The following HUNK variants were observed in gnomAD, a reference collection of about 807,000 sequenced individuals.
The protein encoded by HUNK is hormonally up-regulated Neu-associated kinase.
HUNK carries 21 observed loss-of-function variants against 61.0 expected under a neutral mutation model. The observed-to-expected ratio is 0.34, with a 90% CI of 0.24 to 0.50. The LOEUF (loss-of-function observed/expected upper bound fraction) is 0.50. Ranked by LOEUF, HUNK falls within the 20% of genes least tolerant of loss-of-function variation. The probability of loss-of-function intolerance (pLI) is 0.98; values close to 1 mark genes in which losing one functional copy is unlikely to be tolerated. For missense variants in HUNK, 772 were observed against 945.7 expected, an observed-to-expected ratio of 0.82 and a Z score of 2.41; for synonymous variants, 371 against 386.1, an observed-to-expected ratio of 0.96 and a Z score of 0.46.
intron 2 of HUNK, among the ~76,000 whole-genome samples, chr21:31,927,752 G>A (rs1601382690): frequency 1.3e-5 from 2 of 152,108 alleles, no homozygotes; most frequent in South Asian, 2.1e-4. Flanking sequence ...CCTTACTAAC[G>A]GGATTGGTGC....
At chr21:31,876,128 A>C (rs1227499684) in intron 1 of HUNK, among the ~76,000 whole-genome samples, 1 of 152,088 alleles carries the variant, frequency 6.6e-6, no homozygotes, top group African/African-American at 2.4e-5. Flanking sequence ...GATGAATCTC[A>C]CTTCATTGTT....
At chr21:31,945,307 C>A (rs2052794457) in intron 3 of HUNK, among the ~76,000 whole-genome samples, 1 of 152,154 alleles carries the variant, frequency 6.6e-6, no homozygotes. Flanking sequence ...GACCCAAAGT[C>A]ACTCGATGCA....
intron 5 of HUNK, among the ~76,000 whole-genome samples, chr21:31,965,695 G>A (rs929982044): frequency 1.1e-4 from 16 of 149,374 alleles, no homozygotes; most frequent in African/African-American, 4.0e-4. Context: ...TCTGCCTCCT[G>A]AGTTCAAGCA....
At chr21:31,938,606 G>A (rs1200532187) in intron 2 of HUNK, among the ~76,000 whole-genome samples, 1 of 152,132 alleles carries the variant, frequency 6.6e-6, no homozygotes, top group Admixed American at 6.5e-5. Flanking sequence ...ACATGATTAC[G>A]CCATTCAGTT....
At chr21:31,948,486 C>G (rs762820949) in intron 4 of HUNK, among the ~76,000 whole-genome samples, 1 of 152,152 alleles carries the variant, frequency 6.6e-6, no homozygotes, top group Non-Finnish European at 1.5e-5. Context: ...TGGGCCTCAC[C>G]GTGAGGTCTC....
At chr21:31,905,398 A>G (rs1349420820) in intron 1 of HUNK, among the ~76,000 whole-genome samples, 2 of 152,220 alleles carry the variant, frequency 1.3e-5, no homozygotes, top group Non-Finnish European at 2.9e-5. Context: ...TTGTTGTGAC[A>G]GCCCTAGCAA....
At chr21:31,979,099 T>C (rs2053072264) in intron 7 of HUNK, among the ~76,000 whole-genome samples, 2 of 133,820 alleles carry the variant, frequency 1.5e-5, no homozygotes, top group South Asian at 5.0e-4. Flanking sequence ...GCATACCTAT[T>C]GGCCATTTCT....
At chr21:31,915,726 A>G (rs141911193) in intron 1 of HUNK, among the ~76,000 whole-genome samples, 1 of 152,166 alleles carries the variant, frequency 6.6e-6, no homozygotes, top group African/African-American at 2.4e-5. Flanking sequence ...GTTAACTCTG[A>G]TCCTATGTAG....
At position 31,983,590 on chromosome 21, in the gene HUNK, C is replaced by T. The variant is rs1185929904; in HGVS notation, c.1238C>T (p.Ala413Val). The T allele has an allele frequency of 8.7e-6, 14 of 1,613,122 alleles. No individual in the cohort carries two copies. Among genetic ancestry groups the T allele is most frequent in the South Asian group, 1.1e-5 (1 of 91,032 alleles). ...TRLYQIEKYR[A>V]PKESYEASLD... ...CTCTACCAGATAGAAAAGTACAGGG[C>T]CCCCAAGGAGTCCTATGAGGTGAGT... Residue 413 changes from alanine to valine, a missense_variant, in exon 8 of 11, where the codon GCC (alanine) becomes GTC (valine). Physicochemically the swap from Ala to Val is moderately conservative, Grantham distance 64. This residue lies in a region of HUNK where 413 missense variants were observed against 444.4 expected (regional missense o/e 0.93). Transcript: ENST00000270112.
At chr21:31,990,229 C>T in intron 9 of HUNK, 53 bp downstream of exon 9, 2 of 1,440,766 alleles carry the variant, frequency 1.4e-6, no homozygotes, top group Non-Finnish European at 9.8e-7. Flanking sequence ...AGAAACAGAA[C>T]CAATAGAGTA....
intron 5 of HUNK, among the ~76,000 whole-genome samples, chr21:31,966,510 C>T (rs1447737252): frequency 2.0e-5 from 3 of 152,290 alleles, no homozygotes; most frequent in South Asian, 2.1e-4. Context: ...TGGGAACCCA[C>T]CCTGGTGGTG....
chr21:31,940,224 T>C lies in HUNK; in HGVS notation c.610+4T>C. 2 of 1,564,406 alleles carry C rather than the reference T, an allele frequency of 1.3e-6. No individual in the cohort carries two copies. Among genetic ancestry groups the C allele is most frequent in the South Asian group, 1.2e-5 (1 of 83,780 alleles). ...GACAATAATATCAAGCTGATTGGTA[T>C]GACTTTTTTTTTTTTTTAAGCAAAA... is the stretch of plus-strand genomic sequence containing the variant. On this transcript the variant is annotated splice_donor_region_variant and intron_variant, in intron 3 of 10. Transcript: ENST00000270112.
In HUNK at chr21:31,924,689, C is replaced by T. The variant is rs746851498; in HGVS notation, c.483C>T (p.Ser161=). The change falls in exon 2 of 11, where the codon TCC becomes TCT. Residue 161 remains serine, a synonymous_variant. Coordinates refer to ENST00000270112, the MANE Select transcript of HUNK (RefSeq NM_014586.2). The surrounding 1 kb of genome is among the most constrained non-coding windows in gnomAD (Gnocchi z 5.1). ...KIYEKKRLEE[S]EARRYIRQLI... ...ATGAGAAGAAGCGGCTGGAGGAGTCCGAAGCCCGCAGATACATCCGACAGC... is the reference window on the plus strand; with the variant it reads ...ATGAGAAGAAGCGGCTGGAGGAGTCTGAAGCCCGCAGATACATCCGACAGC... 11 of 1,613,876 alleles carry T rather than the reference C, an allele frequency of 6.8e-6. No individual in the cohort carries two copies. The highest frequency in any genetic ancestry group is 4.5e-5 in the East Asian group (2 of 44,880).
chr21:31,952,733 C>G (rs1013475392), intron 4 of HUNK, among the ~76,000 whole-genome samples: 5 of 114,922 alleles, frequency 4.4e-5, no homozygotes, highest in East Asian at 6.3e-4. Flanking sequence ...CCCCACCCCC[C>G]ACCCAGTGTC....
At chr21:31,947,247 G>A (rs1467185760) in intron 4 of HUNK, among the ~76,000 whole-genome samples, 2 of 117,770 alleles carry the variant, frequency 1.7e-5, no homozygotes, top group Admixed American at 8.6e-5. Context: ...CCACATCCCA[G>A]TCTCAAGCCA....
intron 1 of HUNK, among the ~76,000 whole-genome samples, chr21:31,897,702 C>T (rs968772516): frequency 5.9e-5 from 9 of 152,126 alleles, no homozygotes; most frequent in African/African-American, 1.2e-4. Context: ...TCTCATTAGC[C>T]GCAAAAAGGT....
intron 2 of HUNK, among the ~76,000 whole-genome samples, chr21:31,930,058 A>G (rs937476191): frequency 6.6e-6 from 1 of 152,224 alleles, no homozygotes; most frequent in Non-Finnish European, 1.5e-5. Flanking sequence ...AAAAAATAGC[A>G]TTGGAAATGT....
chr21:31,909,371 TC>T (rs1056215534), intron 1 of HUNK, among the ~76,000 whole-genome samples: 3 of 152,036 alleles, frequency 2.0e-5, no homozygotes, highest in Admixed American at 6.6e-5. Context: ...GCGCAGAGGA[TC>T]CCCGGGAAAG....
chr21:31,968,271 C>G lies in HUNK; in HGVS notation c.896C>G (p.Ser299Cys). The G allele has an allele frequency of 5.6e-6, 9 of 1,614,224 alleles. No individual in the cohort carries two copies. The highest frequency in any genetic ancestry group is 7.6e-6 in the Non-Finnish European group (9 of 1,180,026). The change falls in exon 6 of 11, where the codon TCT (serine) becomes TGT (cysteine). Residue 299 changes from serine (S) to cysteine (C), a missense_variant. Ser to Cys is a moderately radical substitution (Grantham distance 112, BLOSUM62 -1). Coordinates refer to ENST00000270112, the MANE Select transcript of HUNK (RefSeq NM_014586.2). Reference sequence around the variant, plus strand: ...CCAGGTGCCATCAGTTTCCTGCGCTCTCTCCTGGAACCGGATCCTGTGAAG... The same window carrying G: ...CCAGGTGCCATCAGTTTCCTGCGCTGTCTCCTGGAACCGGATCCTGTGAAG... ...LSTGAISFLR[S>C]LLEPDPVKRP...
Sources: gnomAD v4.1 joint callset for allele counts (sites outside exome capture counted in the v4.1 genomes callset) on GRCh38, gnomAD v4.1.1 for gene constraint, gnomAD v4.1.1 regional missense constraint, Gnocchi (gnomAD v3.1) non-coding constraint, MANE v1.5 for transcripts, NCBI Gene and HGNC (gene_info 2026-07-23, HGNC 2026-07-21) for gene names.